FAM185A: variants seen among roughly 807,000 people sequenced by gnomAD.
The protein encoded by FAM185A is protein FAM185A.
A neutral mutation model predicts 45.7 loss-of-function variants in FAM185A; 21 were observed. The observed-to-expected ratio is 0.46, with a 90% CI of 0.33 to 0.66. The LOEUF is 0.66. FAM185A is among the 30% of genes least tolerant of loss of function. The pLI, the probability that FAM185A is intolerant of heterozygous loss-of-function variation, is 0.03. For synonymous variants in FAM185A, 117 were observed against 194.0 expected (o/e 0.60, Z 3.30); for missense variants, 305 against 485.4 (o/e 0.63, Z 3.49).
intron 7 of FAM185A, among the ~76,000 whole-genome samples, chr7:102,807,988 G>A (rs1797231784): frequency 6.6e-6 from 1 of 152,180 alleles, no homozygotes; most frequent in African/African-American, 2.4e-5. Flanking sequence ...TTGAACCCAG[G>A]AGGCAGAGGC....
At chr7:102,832,241 C>A in the FAM185A span, among the ~76,000 whole-genome samples, 57 of 152,090 alleles carry the variant, frequency 3.7e-4, no homozygotes. Flanking sequence ...GAAAATAACA[C>A]AAAAGATGAT....
the FAM185A span, among the ~76,000 whole-genome samples, chr7:102,827,795 C>T: frequency 6.4e-3 from 971 of 152,078 alleles, 4 homozygotes; most frequent in Non-Finnish European, 7.8e-3. Flanking sequence ...TTTGTCCTTG[C>T]GATAGTTTGC....
chr7:102,805,059 G>T (rs563942842), intron 7 of FAM185A, among the ~76,000 whole-genome samples: 1 of 152,284 alleles, frequency 6.6e-6, no homozygotes, highest in Middle Eastern at 3.4e-3. Context: ...TGGTGATCAG[G>T]TTAGACTTCT....
chr7:102,831,971 G>T, the FAM185A span, among the ~76,000 whole-genome samples: 4 of 152,132 alleles, frequency 2.6e-5, no homozygotes, highest in Admixed American at 1.3e-4. Flanking sequence ...TAAAAAGTAG[G>T]TTACAATGTA....
the FAM185A span, among the ~76,000 whole-genome samples, chr7:102,836,985 T>C: frequency 6.6e-6 from 1 of 152,236 alleles, no homozygotes; most frequent in Admixed American, 6.5e-5. Context: ...CTGGAAAATA[T>C]GTGCTGTCAA....
chr7:102,825,874 G>A, the FAM185A span, among the ~76,000 whole-genome samples: 1 of 152,130 alleles, frequency 6.6e-6, no homozygotes, highest in African/African-American at 2.4e-5. Flanking sequence ...GTGACCATAG[G>A]CAAGTTGCTT....
At chr7:102,825,854 C>T in the FAM185A span, among the ~76,000 whole-genome samples, 2 of 152,206 alleles carry the variant, frequency 1.3e-5, no homozygotes, top group African/African-American at 2.4e-5. Flanking sequence ...AGCTCTGGCA[C>T]TATTTAATTG....
At chr7:102,780,916 G>A (rs1795363438) in intron 6 of FAM185A, among the ~76,000 whole-genome samples, 1 of 152,204 alleles carries the variant, frequency 6.6e-6, no homozygotes, top group South Asian at 2.1e-4. Flanking sequence ...CCTAGTCAAA[G>A]AAAGGGGGTG....
At chr7:102,848,232 GA>G in the FAM185A span, among the ~76,000 whole-genome samples, 1 of 152,110 alleles carries the variant, frequency 6.6e-6, no homozygotes, top group Non-Finnish European at 1.5e-5. Flanking sequence ...CTAGCTGCAA[GA>G]TTTTCATTTA....
At chr7:102,805,548 G>A (rs757327338) in intron 7 of FAM185A, among the ~76,000 whole-genome samples, 1 of 151,756 alleles carries the variant, frequency 6.6e-6, no homozygotes, top group Admixed American at 6.6e-5. Flanking sequence ...TGGGAGGGGG[G>A]TGAGGGATAA....
chr7:102,757,859 A>G lies in FAM185A; in HGVS notation c.567A>G (p.Gln189=). The G allele has an allele frequency of 6.5e-7, 1 of 1,544,164 alleles. No homozygotes were observed. Among genetic ancestry groups the G allele is most frequent in the East Asian group, 2.5e-5 (1 of 40,768 alleles). The stretch of plus-strand genomic sequence containing the variant: ...TTTTTAAATTTGTCTTTCAGGGTCA[A>G]AAATTGCATGTTCAAACAAAAGGAG... ...GTSILQSVKG[Q]KLHVQTKGGK... The change falls in exon 3 of 8, where the codon CAA becomes CAG. Residue 189 remains glutamine, a synonymous_variant. Coordinates refer to ENST00000413034, the MANE Select transcript of FAM185A (RefSeq NM_001145268.2).
chr7:102,819,276 A>G, the FAM185A span, among the ~76,000 whole-genome samples: 1 of 152,016 alleles, frequency 6.6e-6, no homozygotes. Flanking sequence ...TTCTGATCAT[A>G]GTTGTTACTT....
chr7:102,830,816 G>A, the FAM185A span, among the ~76,000 whole-genome samples: 1 of 152,078 alleles, frequency 6.6e-6, no homozygotes, highest in African/African-American at 2.4e-5. Context: ...AATTTCTGAG[G>A]ATTTTCAAAA....
chr7:102,820,144 G>A, the FAM185A span, among the ~76,000 whole-genome samples: 3 of 152,208 alleles, frequency 2.0e-5, no homozygotes, highest in South Asian at 2.1e-4. Flanking sequence ...AGATGGAATC[G>A]AGGGATTCTA....
chr7:102,834,032 TGAAG>T, the FAM185A span, among the ~76,000 whole-genome samples: 1,618 of 75,412 alleles, frequency 0.021, 40 homozygotes, highest in Non-Finnish European at 0.024. Flanking sequence ...GAAACCATGA[TGAAG>T]GAAGGAAGGA....
chr7:102,833,673 C>T, the FAM185A span, among the ~76,000 whole-genome samples: 1 of 151,408 alleles, frequency 6.6e-6, no homozygotes, highest in East Asian at 1.9e-4. Flanking sequence ...CTCAAGTGAT[C>T]CACCCTCCCA....
At chr7:102,775,457 T>C (rs1388577613) in intron 5 of FAM185A, among the ~76,000 whole-genome samples, 2 of 152,214 alleles carry the variant, frequency 1.3e-5, no homozygotes, top group African/African-American at 2.4e-5. Flanking sequence ...CTTTGCCTTC[T>C]TTCTTGAAAA....
At chr7:102,813,045 G>T (rs1391176283), downstream of FAM185A, among the ~76,000 whole-genome samples, 1 of 152,028 alleles carries the variant, frequency 6.6e-6, no homozygotes, top group Non-Finnish European at 1.5e-5. Context: ...GTTTCACCAT[G>T]TTGGCCAGGC....
chr7:102,751,868 A>G (rs949333431), intron 2 of FAM185A, 67 bp downstream of exon 2: 1 of 589,296 alleles, frequency 1.7e-6, no homozygotes, highest in Non-Finnish European at 2.8e-6. Context: ...GAATCGTACT[A>G]TCAAACTCAA....
Sources: allele counts gnomAD v4.1 joint callset (sites outside exome capture counted in the v4.1 genomes callset), GRCh38; gene constraint gnomAD v4.1.1; transcripts MANE v1.5; gene names NCBI Gene and HGNC (gene_info 2026-07-23, HGNC 2026-07-21).